KAT2B: variants seen among roughly 807,000 people sequenced by gnomAD.
KAT2B encodes the protein lysine acetyltransferase 2B, also known as histone acetyltransferase KAT2B.
In KAT2B, 36 loss-of-function variants were observed where a neutral mutation model predicts 105.9. The ratio of observed to expected loss-of-function variants is 0.34; its 90% confidence interval spans 0.26 to 0.45. KAT2B has a LOEUF of 0.45. Ranked by LOEUF, KAT2B falls within the 20% of genes least tolerant of loss-of-function variation. The pLI is 1.00. For missense variants in KAT2B, 820 were observed against 1,021.6 expected (o/e 0.80, Z 2.69); for synonymous variants, 397 against 377.9 (o/e 1.05, Z -0.59).
Position 20,149,513 on chromosome 3 carries a change from A to G in KAT2B, c.2305+1026A>G, listed in dbSNP as rs903608713. 2.0e-5 allele frequency among the ~76,000 whole-genome samples: 3 copies of G among 150,046 alleles called. 1 individual carries two copies. Among genetic ancestry groups the G allele is most frequent in the African/African-American group, 7.4e-5 (3 of 40,678 alleles). On this transcript the variant is annotated intron_variant, in intron 17 of 17. Coordinates refer to ENST00000263754, the MANE Select transcript of KAT2B (RefSeq NM_003884.5). ...CGTATCTCAAAAAAAAAAAAAAAAAAAAAAAAATTGTGGAAGTGTTAAAAA... is the reference window on the plus strand; with the variant it reads ...CGTATCTCAAAAAAAAAAAAAAAAAGAAAAAAATTGTGGAAGTGTTAAAAA...
At chr3:20,048,906 C>G (rs1371314308) in intron 1 of KAT2B, among the ~76,000 whole-genome samples, 1 of 152,008 alleles carries the variant, frequency 6.6e-6, no homozygotes, top group Non-Finnish European at 1.5e-5. Context: ...GAGTCTTGCT[C>G]TGTCGCCAGG....
At chr3:20,040,891 C>T in intron 1 of KAT2B, 111 bp downstream of exon 1, 20 of 1,278,152 alleles carry the variant, frequency 1.6e-5, no homozygotes, top group Non-Finnish European at 1.9e-5. Context: ...CTCTCGCCTC[C>T]CGCCTGGGGC....
At position 20,099,883 on chromosome 3, in the gene KAT2B, C is replaced by A; in HGVS notation, c.598C>A (p.Gln200Lys). ...GCAGCTCTTGAGAAAGTCTATTTTA[C>A]AAAGAGGAAAACCTGTGGTTGAAGG... is the stretch of plus-strand genomic sequence containing the variant. ...LFKLLRKSILQRGKPVVEGSL... is the reference protein window; with the variant it reads ...LFKLLRKSILKRGKPVVEGSL... Residue 200 changes from glutamine (Q) to lysine (K), a missense_variant, in exon 4 of 18, where the codon CAA (glutamine) becomes AAA (lysine). Physicochemically the swap from Gln to Lys is moderately conservative, Grantham distance 53 (BLOSUM62 1). Around this residue, in one of 6 missense-constraint regions of KAT2B, gnomAD observed 173 missense variants for 249.5 expected, o/e 0.69. Transcript: ENST00000263754. 1 of 1,599,816 alleles carries A rather than the reference C, an allele frequency of 6.3e-7. No individual in the cohort carries two copies. The highest frequency in any genetic ancestry group is 8.5e-7 in the Non-Finnish European group (1 of 1,170,062).
At chr3:20,148,835 C>T (rs944542610) in intron 17 of KAT2B, 6 of 197,444 alleles carry the variant, frequency 3.0e-5, no homozygotes, top group Admixed American at 1.1e-4. Flanking sequence ...TCAGCTTATC[C>T]TCTTGATATG....
At position 20,141,656 on chromosome 3, in the gene KAT2B, C is replaced by A. The variant is rs138880292; in HGVS notation, c.2004+1292C>A. Among the ~76,000 whole-genome samples the A allele has an allele frequency of 2.1e-3, 323 of 152,258 alleles. 1 individual carries two copies. Among genetic ancestry groups the A allele is most frequent in the African/African-American group, 7.3e-3 (305 of 41,552 alleles). On this transcript the variant is annotated intron_variant, in intron 13 of 17. Coordinates refer to ENST00000263754, the MANE Select transcript of KAT2B (RefSeq NM_003884.5). ...TCCCAGTTCTTAGTTTTTTGTTAGG[C>A]ATTATCTACCTAACAGCCCTAAAGC... is the stretch of plus-strand genomic sequence containing the variant.
chr3:20,062,414 TATA>T (rs1204517318), intron 1 of KAT2B, among the ~76,000 whole-genome samples: 2 of 91,390 alleles, frequency 2.2e-5, no homozygotes, highest in Non-Finnish European at 3.9e-5. Context: ...TTATATATTA[TATA>T]TTATTATATA....
intron 1 of KAT2B, among the ~76,000 whole-genome samples, chr3:20,064,941 A>G (rs1049235323): frequency 4.6e-5 from 7 of 152,272 alleles, no homozygotes; most frequent in Middle Eastern, 3.4e-3. Context: ...ATGCCACTCA[A>G]ATATCTTCAC....
chr3:20,053,609 G>T (rs1336046169), intron 1 of KAT2B, among the ~76,000 whole-genome samples: 2 of 152,124 alleles, frequency 1.3e-5, no homozygotes, highest in Non-Finnish European at 2.9e-5. Flanking sequence ...AAGCTACAAA[G>T]TGAGACAAAG....
In KAT2B at chr3:20,140,247, T is replaced by C. The variant is rs1180909193; in HGVS notation, c.1887T>C (p.Pro629=). The C allele has an allele frequency of 6.2e-7, 1 of 1,610,072 alleles. No individual in the cohort carries two copies. Among genetic ancestry groups the C allele is most frequent in the African/African-American group, 1.3e-5 (1 of 74,816 alleles). ...KQGFSKEIKI[P]KTKYVGYIKD... is the part of the protein sequence containing the mutation. ...GTTTCTCCAAAGAAATTAAAATACCTAAAACCAAATATGTTGGCTATATCA... is the reference window on the plus strand; with the variant it reads ...GTTTCTCCAAAGAAATTAAAATACCCAAAACCAAATATGTTGGCTATATCA... Residue 629 remains proline, a synonymous_variant, in exon 13 of 18, where the codon CCT becomes CCC. Coordinates refer to ENST00000263754, the MANE Select transcript of KAT2B (RefSeq NM_003884.5).
intron 9 of KAT2B, among the ~76,000 whole-genome samples, chr3:20,123,804 T>C (rs1265112382): frequency 6.6e-6 from 1 of 152,154 alleles, no homozygotes; most frequent in East Asian, 1.9e-4. Context: ...GGTCCCTCTT[T>C]TTGGATTTGT....
intron 13 of KAT2B, among the ~76,000 whole-genome samples, chr3:20,143,528 C>T (rs1275628760): frequency 6.6e-6 from 1 of 152,136 alleles, no homozygotes; most frequent in African/African-American, 2.4e-5. Flanking sequence ...AATCCTATTA[C>T]TGAGCATATA....
chr3:20,117,306 T>C (rs1699223351), intron 7 of KAT2B, among the ~76,000 whole-genome samples: 1 of 152,220 alleles, frequency 6.6e-6, no homozygotes, highest in Non-Finnish European at 1.5e-5. Context: ...AAGTGGGCTG[T>C]CTTCTCTTGT....
At position 20,040,916 on chromosome 3, in the gene KAT2B, A is replaced by G. The variant is rs927959156; in HGVS notation, c.303+136A>G. 1.6e-4 allele frequency: 177 copies of G among 1,119,830 alleles called. 1 individual carries two copies. Among genetic ancestry groups the G allele is most frequent in the Admixed American group, 3.8e-5 (1 of 26,522 alleles). 69.4% of individuals were successfully genotyped at this position (1,119,830 alleles called of 1,614,324 possible). ...CCGCCTGGGGCCGCTGCACCGCGGA[A>G]GTGCTCTTGTCGCCCGCGCCCAATT... On this transcript the variant is annotated intron_variant, in intron 1 of 17. Transcript: ENST00000263754.
rs574575270 is a variant in KAT2B at position 20,063,644 on chromosome 3, G to A, written c.304-8689G>A. 8.8e-4 allele frequency among the ~76,000 whole-genome samples: 126 copies of A among 143,242 alleles called. 1 individual carries two copies. Among genetic ancestry groups the A allele is most frequent in the African/African-American group, 3.2e-3 (125 of 39,348 alleles). 94.0% of individuals were successfully genotyped at this position (143,242 alleles called of 152,430 possible). A position where few individuals can be genotyped will look rare whatever the true frequency, so the allele number is the denominator to read the frequency against. ...TGCAACCTCTGCCTCCCAGGTTCAA[G>A]CAATTCTCCTGCCTCAGCCTCCCAA... is the stretch of plus-strand genomic sequence containing the variant. On this transcript the variant is annotated intron_variant, in intron 1 of 17. Transcript: ENST00000263754.
At chr3:20,051,368 TC>T (rs1473849107) in intron 1 of KAT2B, among the ~76,000 whole-genome samples, 1 of 152,110 alleles carries the variant, frequency 6.6e-6, no homozygotes, top group Non-Finnish European at 1.5e-5. Context: ...TAGCTCCTTC[TC>T]CCCTGGAGTC....
intron 1 of KAT2B, among the ~76,000 whole-genome samples, chr3:20,069,206 T>C (rs529772406): frequency 6.6e-6 from 1 of 152,272 alleles, no homozygotes; most frequent in South Asian, 2.1e-4. Flanking sequence ...CTTGGGCTTA[T>C]AGGCTATCTC....
In KAT2B at chr3:20,152,384, A is replaced by G. The variant is rs1699884377; in HGVS notation, c.2358A>G (p.Lys786=). The G allele has an allele frequency of 1.2e-6, 2 of 1,613,454 alleles. No individual in the cohort carries two copies. The highest frequency in any genetic ancestry group is 1.3e-5 in the African/African-American group (1 of 74,880). The change falls in exon 18 of 18, where the codon AAA becomes AAG. Residue 786 remains lysine, a synonymous_variant. Transcript: ENST00000263754. The part of the protein sequence containing the change: ...RLKNRYYVSK[K]LFMADLQRVF... ...AGAATAGGTACTACGTGTCTAAGAA[A>G]TTATTCATGGCAGACTTACAGCGAG...
At chr3:20,142,017 A>G (rs1015182516) in intron 13 of KAT2B, among the ~76,000 whole-genome samples, 2 of 152,154 alleles carry the variant, frequency 1.3e-5, no homozygotes, top group African/African-American at 2.4e-5. Context: ...CTGGCCAACT[A>G]AAGCCATCAC....
intron 5 of KAT2B, among the ~76,000 whole-genome samples, chr3:20,108,822 C>G (rs1182107582): frequency 6.6e-6 from 1 of 152,166 alleles, no homozygotes. Flanking sequence ...CTCATAGGAG[C>G]CTGAACTCTA....
Sources: allele counts gnomAD v4.1 joint callset (sites outside exome capture counted in the v4.1 genomes callset), GRCh38; gene constraint gnomAD v4.1.1; regional missense constraint gnomAD v4.1.1; transcripts MANE v1.5; gene names NCBI Gene and HGNC (gene_info 2026-07-23, HGNC 2026-07-21).